The following ABCC2 variants were observed in gnomAD, a reference collection of about 807,000 sequenced individuals.
The protein encoded by ABCC2 is ATP-binding cassette sub-family C member 2.
A neutral mutation model predicts 173.4 loss-of-function variants in ABCC2; 157 were observed. The observed-to-expected ratio is 0.91, with a 90% confidence interval of 0.80 to 1.03. ABCC2 has a LOEUF of 1.03. Ranked by LOEUF, ABCC2 falls within the 50% of genes least tolerant of loss-of-function variation. ABCC2 has a pLI of 0.00. For synonymous variants in ABCC2, 657 were observed against 693.5 expected, an observed-to-expected ratio of 0.95 and a Z score of 0.83; for missense variants, 1,822 against 1,852.3, an observed-to-expected ratio of 0.98 and a Z score of 0.30.
chr10:99,796,331 C>T (rs2037910463), intron 6 of ABCC2, among the ~76,000 whole-genome samples: 1 of 152,046 alleles, frequency 6.6e-6, no homozygotes, highest in African/African-American at 2.4e-5. Flanking sequence ...ATGGTGAAAC[C>T]CTGTCTCTAC....
In ABCC2 at chr10:99,836,060, G is replaced by A. The variant is rs776566018; in HGVS notation, c.3415-31G>A. The stretch of plus-strand genomic sequence containing the variant: ...GATGGTGGATGCCTCATGACTGCGG[G>A]ACTGGCTGATTCTTTACTTTTTGTG... On this transcript the variant is annotated intron_variant, in intron 24 of 31. Coordinates refer to ENST00000647814, the MANE Select transcript of ABCC2 (RefSeq NM_000392.5). 6.0e-5 allele frequency: 97 copies of A among 1,609,918 alleles called. 1 individual carries two copies. The South Asian group carries it at 8.9e-4, about 15-fold the overall frequency.
At chr10:99,795,882 G>A (rs1303972141) in intron 6 of ABCC2, among the ~76,000 whole-genome samples, 1 of 152,214 alleles carries the variant, frequency 6.6e-6, no homozygotes, top group Non-Finnish European at 1.5e-5. Context: ...GTTTACAACT[G>A]TAATCCTAGC....
intron 2 of ABCC2, among the ~76,000 whole-genome samples, chr10:99,786,872 G>A (rs769522898): frequency 2.6e-5 from 4 of 152,154 alleles, no homozygotes; most frequent in East Asian, 1.9e-4. Flanking sequence ...GCATGGTGGC[G>A]GACGCCTGTA....
Position 99,845,744 on chromosome 10 carries a change from C to A in ABCC2, c.4108C>A (p.Leu1370Ile). 6.2e-7 allele frequency: 1 copy of A among 1,612,588 alleles called. No individual in the cohort carries two copies. Among genetic ancestry groups the A allele is most frequent in the Non-Finnish European group, 8.5e-7 (1 of 1,179,674 alleles). The change falls in exon 29 of 32, where the codon CTC becomes ATC. Residue 1370 changes from leucine to isoleucine, a missense_variant. By Grantham distance (5) the Leu-to-Ile change is conservative. Transcript: ENST00000647814. ...TGGAGTAGATATTGCTTCCATTGGGCTCCACGACCTCCGAGAGAAGCTGAC... is the reference window on the plus strand; with the variant it reads ...TGGAGTAGATATTGCTTCCATTGGGATCCACGACCTCCGAGAGAAGCTGAC... ...IDGVDIASIG[L>I]HDLREKLTII...
intron 6 of ABCC2, among the ~76,000 whole-genome samples, chr10:99,795,077 G>T (rs1302441622): frequency 1.3e-5 from 2 of 152,116 alleles, no homozygotes; most frequent in African/African-American, 4.8e-5. Flanking sequence ...GAGGGTAAGG[G>T]GTGAAATAGC....
rs1400739370 is a variant in ABCC2 at position 99,851,837 on chromosome 10, G to A, written c.*206G>A. ...AACCCCTCGATTGTCTACCTCGATCGTACTTCCTTGCTACCCACCCCTCCC... is the reference window on the plus strand; with the variant it reads ...AACCCCTCGATTGTCTACCTCGATCATACTTCCTTGCTACCCACCCCTCCC... On this transcript the variant is annotated 3_prime_UTR_variant, in exon 32 of 32. Coordinates refer to ENST00000647814, the MANE Select transcript of ABCC2 (RefSeq NM_000392.5). 1.1e-5 allele frequency: 5 copies of A among 475,176 alleles called. No homozygotes were observed. In the East Asian group the frequency reaches 1.5e-4, roughly 14 times the overall value. 29.4% of individuals were successfully genotyped at this position (475,176 alleles called of 1,614,324 possible). A position where few individuals can be genotyped will look rare whatever the true frequency, so the allele number is the denominator to read the frequency against.
chr10:99,820,561 C>T (rs1287648500), intron 19 of ABCC2, among the ~76,000 whole-genome samples: 7 of 152,166 alleles, frequency 4.6e-5, no homozygotes. Context: ...AGTTTGAGAC[C>T]ACCCTGGGCT....
At chr10:99,842,181 T>C (rs2038958824) in intron 26 of ABCC2, 88 bp downstream of exon 26, 1 of 1,582,956 alleles carries the variant, frequency 6.3e-7, no homozygotes, top group African/African-American at 1.3e-5. Flanking sequence ...GTGCTCTTGA[T>C]TCCTTCTTAA....
Position 99,847,139 on chromosome 10 carries a change from T to C in ABCC2, c.4313+12T>C. 1 of 1,614,006 alleles carries C rather than the reference T, an allele frequency of 6.2e-7. No individual in the cohort carries two copies. Among genetic ancestry groups the C allele is most frequent in the South Asian group, 1.1e-5 (1 of 91,074 alleles). On this transcript the variant is annotated intron_variant, in intron 30 of 31. Transcript: ENST00000647814. ...GGTGGCAACCTGAGGTAATGTTCCATAGCCTGCTACCCCTGCAGGCAATGA... is the reference window on the plus strand; with the variant it reads ...GGTGGCAACCTGAGGTAATGTTCCACAGCCTGCTACCCCTGCAGGCAATGA...
intron 30 of ABCC2, among the ~76,000 whole-genome samples, chr10:99,849,504 C>T (rs2039060621): frequency 6.6e-6 from 1 of 152,220 alleles, no homozygotes; most frequent in South Asian, 2.1e-4. Context: ...GCCTTGATTT[C>T]AGACCTGAGT....
chr10:99,834,272 G>C, intron 23 of ABCC2, 108 bp from the exon 24 acceptor site: 1 of 1,111,522 alleles, frequency 9.0e-7, no homozygotes, highest in Non-Finnish European at 1.3e-6. Context: ...ACATGAAGGA[G>C]TACTGGGAAC....
chr10:99,793,188 A>G (rs2037837817), intron 3 of ABCC2, among the ~76,000 whole-genome samples: 1 of 152,214 alleles, frequency 6.6e-6, no homozygotes, highest in South Asian at 2.1e-4. Flanking sequence ...CTTGCACCTA[A>G]TTAATTAGAA....
Position 99,818,837 on chromosome 10 carries a change from A to G in ABCC2, c.2319A>G (p.Arg773=), listed in dbSNP as rs1390911775. The change falls in exon 18 of 32, where the codon AGA becomes AGG. Residue 773 remains arginine, a synonymous_variant. Transcript: ENST00000647814. ...AGAAGCAGCGGATCAGCCTGGCCAG[A>G]GCTACCTACCAAAATTTAGACATCT... ...GGQKQRISLA[R]ATYQNLDIYL... 10 of 1,614,070 alleles carry G rather than the reference A, an allele frequency of 6.2e-6. No individual in the cohort carries two copies. Among genetic ancestry groups the G allele is most frequent in the Non-Finnish European group, 5.9e-6 (7 of 1,180,042 alleles).
chr10:99,834,676 A>G (rs1406150886), intron 24 of ABCC2, 141 bp downstream of exon 24: 15 of 1,073,444 alleles, frequency 1.4e-5, no homozygotes, highest in Non-Finnish European at 2.2e-5. Flanking sequence ...TCATATGTTG[A>G]CATACCCAGG....
intron 25 of ABCC2, among the ~76,000 whole-genome samples, chr10:99,837,352 GTC>G (rs1376177739): frequency 6.4e-4 from 41 of 63,892 alleles, no homozygotes; most frequent in African/African-American, 2.5e-3. Flanking sequence ...GGTCAGGCTG[GTC>G]TTGAACTCCT....
chr10:99,787,568 C>T (rs10748791), intron 2 of ABCC2, among the ~76,000 whole-genome samples: 87,895 of 151,800 alleles, frequency 0.58, 25,712 homozygotes, highest in East Asian at 0.77. Flanking sequence ...GAGTTATTTT[C>T]AACTTTTATG....
At chr10:99,840,965 C>T in intron 25 of ABCC2, among the ~76,000 whole-genome samples, 1 of 152,014 alleles carries the variant, frequency 6.6e-6, no homozygotes, top group Non-Finnish European at 1.5e-5. Flanking sequence ...GAGGTGTGAA[C>T]CAGAGCCCTC....
At chr10:99,822,688 A>T (rs2038558318) in intron 19 of ABCC2, among the ~76,000 whole-genome samples, 1 of 151,882 alleles carries the variant, frequency 6.6e-6, no homozygotes, top group African/African-American at 2.4e-5. Flanking sequence ...TCTGATTTCT[A>T]TAAATGTTTA....
chr10:99,814,468 T>G (rs1379477844), intron 16 of ABCC2, among the ~76,000 whole-genome samples: 1 of 14,832 alleles, frequency 6.7e-5, no homozygotes, highest in Non-Finnish European at 1.1e-4. Flanking sequence ...CATACACACA[T>G]ATGTGTGTAT....
Sources: allele counts gnomAD v4.1 joint callset (sites outside exome capture counted in the v4.1 genomes callset), GRCh38; gene constraint gnomAD v4.1.1; transcripts MANE v1.5; gene names NCBI Gene and HGNC (gene_info 2026-07-23, HGNC 2026-07-21).